Variants in VPS37A observed in about 807,000 individuals in gnomAD.
VPS37A encodes vacuolar protein sorting-associated protein 37A.
A neutral mutation model predicts 49.8 loss-of-function variants in VPS37A; 30 were observed. The ratio of observed to expected loss-of-function variants is 0.60; its 90% confidence interval spans 0.45 to 0.82. The LOEUF (loss-of-function observed/expected upper bound fraction) is 0.82. VPS37A is among the 40% of genes least tolerant of loss of function. VPS37A has a pLI of 0.00. For missense variants in VPS37A, 593 were observed against 464.4 expected, an observed-to-expected ratio of 1.28 and a Z score of -2.55; for synonymous variants, 195 against 160.6, an observed-to-expected ratio of 1.21 and a Z score of -1.62.
downstream of VPS37A, chr8:17,300,175 C>T: frequency 6.2e-7 from 1 of 1,614,084 alleles, no homozygotes; most frequent in South Asian, 1.1e-5. Context: ...ACTTTGCTTA[C>T]TCTTCACCTT....
the VPS37A span, among the ~76,000 whole-genome samples, chr8:17,314,057 C>T: frequency 6.6e-6 from 1 of 152,148 alleles, no homozygotes; most frequent in Non-Finnish European, 1.5e-5. Context: ...TCTATATTTA[C>T]ACAACTAAGG....
chr8:17,269,010 C>T, intron 4 of VPS37A, 54 bp downstream of exon 4: 1 of 1,230,676 alleles, frequency 8.1e-7, no homozygotes, highest in Non-Finnish European at 1.1e-6. Flanking sequence ...ATGTATTAAT[C>T]AAAATATAGT....
At chr8:17,330,554 T>C in the VPS37A span, among the ~76,000 whole-genome samples, 2 of 152,240 alleles carry the variant, frequency 1.3e-5, no homozygotes, top group African/African-American at 2.4e-5. Context: ...GCCACATGAA[T>C]AACTCTTCTC....
downstream of VPS37A, chr8:17,298,248 A>G (rs183564407): frequency 9.9e-4 from 151 of 152,222 alleles, 2 homozygotes; most frequent in African/African-American, 3.5e-3. Context: ...TACATATAGT[A>G]TATTGCAGAA....
chr8:17,299,786 C>A (rs888964216), downstream of VPS37A: 4 of 1,556,642 alleles, frequency 2.6e-6, no homozygotes, highest in Middle Eastern at 1.8e-4. Flanking sequence ...CCTGTTTTTA[C>A]AATAAACCAC....
chr8:17,284,728 T>C (rs1563283065), intron 10 of VPS37A, 112 bp downstream of exon 10: 13 of 1,275,832 alleles, frequency 1.0e-5, no homozygotes, highest in Non-Finnish European at 1.4e-5. Context: ...CATCCCCCTT[T>C]TTTTGTACAA....
intron 1 of VPS37A, among the ~76,000 whole-genome samples, chr8:17,264,602 A>G (rs1268663303): frequency 6.6e-6 from 1 of 152,200 alleles, no homozygotes; most frequent in Non-Finnish European, 1.5e-5. Context: ...CTATCTTAAG[A>G]TTTACATATC....
chr8:17,315,764 C>T, the VPS37A span, among the ~76,000 whole-genome samples: 1 of 152,050 alleles, frequency 6.6e-6, no homozygotes, highest in African/African-American at 2.4e-5. Context: ...GTAATCCCAG[C>T]ACTTTGAGAG....
intron 2 of VPS37A, among the ~76,000 whole-genome samples, chr8:17,267,241 T>G (rs1813551744): frequency 6.6e-6 from 1 of 152,082 alleles, no homozygotes; most frequent in South Asian, 2.1e-4. Flanking sequence ...AATGACCAGG[T>G]AAAGCTAAGC....
chr8:17,324,567 G>C, the VPS37A span, among the ~76,000 whole-genome samples: 2 of 152,186 alleles, frequency 1.3e-5, no homozygotes, highest in African/African-American at 4.8e-5. Context: ...AGCTGTGTTT[G>C]AAATCCTCAT....
At chr8:17,275,073 A>G (rs986976578) in intron 5 of VPS37A, 115 bp downstream of exon 5, 6 of 965,064 alleles carry the variant, frequency 6.2e-6, no homozygotes, top group African/African-American at 1.6e-5. Context: ...ATATGAAAAG[A>G]TGAACTCACA....
At chr8:17,299,276 A>G (rs1363439295), downstream of VPS37A, 1 of 152,312 alleles carries the variant, frequency 6.6e-6, no homozygotes, top group Non-Finnish European at 1.5e-5. Context: ...TATTCTCACA[A>G]TTCAAAATAT....
intron 11 of VPS37A, among the ~76,000 whole-genome samples, chr8:17,293,637 T>G (rs989923166): frequency 6.6e-6 from 1 of 152,224 alleles, no homozygotes; most frequent in Non-Finnish European, 1.5e-5. Flanking sequence ...TCGGATGGAA[T>G]TTTTGCATGG....
At chr8:17,279,365 C>T (rs1027904732) in intron 6 of VPS37A, among the ~76,000 whole-genome samples, 1 of 152,082 alleles carries the variant, frequency 6.6e-6, no homozygotes, top group African/African-American at 2.4e-5. Context: ...CTCTTTTCAG[C>T]TCTGTTTCCC....
chr8:17,300,224 T>G (rs754571872), downstream of VPS37A: 8 of 1,595,674 alleles, frequency 5.0e-6, no homozygotes, highest in Middle Eastern at 3.4e-4. Flanking sequence ...TTTTCCAGCC[T>G]CTAAGAAAGA....
chr8:17,316,831 T>C, the VPS37A span, among the ~76,000 whole-genome samples: 10 of 152,138 alleles, frequency 6.6e-5, no homozygotes, highest in African/African-American at 2.2e-4. Context: ...TGTAAGGGAC[T>C]TCTGCGTGTG....
At chr8:17,269,607 T>G (rs904252068) in intron 4 of VPS37A, among the ~76,000 whole-genome samples, 2 of 152,210 alleles carry the variant, frequency 1.3e-5, no homozygotes, top group Non-Finnish European at 2.9e-5. Flanking sequence ...TTCCTTCACA[T>G]TCAGTGCTCC....
the VPS37A span, chr8:17,309,410 G>C: frequency 3.2e-6 from 3 of 952,198 alleles, no homozygotes; most frequent in African/African-American, 5.0e-5. Flanking sequence ...GAGGAATTCA[G>C]AGGCACTTGC....
intron 4 of VPS37A, 104 bp from the exon 5 acceptor site, chr8:17,274,629 C>G (rs868424780): frequency 4.0e-6 from 3 of 751,916 alleles, no homozygotes; most frequent in Middle Eastern, 2.7e-4. Context: ...TATAACATTT[C>G]ATCTATATAG....
Sources: gnomAD v4.1 joint callset for allele counts (sites outside exome capture counted in the v4.1 genomes callset) on GRCh38, gnomAD v4.1.1 for gene constraint, MANE v1.5 for transcripts, NCBI Gene and HGNC (gene_info 2026-07-23, HGNC 2026-07-21) for gene names.